CDYL: variants seen among roughly 807,000 people sequenced by gnomAD.
CDYL encodes chromodomain Y like, also known as chromodomain Y-like protein.
CDYL carries 8 observed loss-of-function variants against 47.3 expected under a neutral mutation model. That is an observed-to-expected ratio of 0.17 (90% CI 0.10 to 0.31). The LOEUF (loss-of-function observed/expected upper bound fraction) is 0.31, where lower values mean the gene tolerates loss of function less well. Among genes scored for constraint, CDYL ranks in the 10% least tolerant of loss-of-function variants. The probability of loss-of-function intolerance (pLI) is 1.00; values close to 1 mark genes in which losing one functional copy is unlikely to be tolerated. For synonymous variants in CDYL, 266 were observed against 265.0 expected (o/e 1.00, Z -0.04); for missense variants, 471 against 701.4 (o/e 0.67, Z 3.71).
At chr6:4,711,938 A>G (rs1047711766) in intron 1 of CDYL, among the ~76,000 whole-genome samples, 3 of 152,102 alleles carry the variant, frequency 2.0e-5, no homozygotes, top group Non-Finnish European at 4.4e-5. Context: ...GGTGGTATGC[A>G]CCTGTAGATC....
chr6:4,779,373 G>C (rs1023744702), intron 1 of CDYL, among the ~76,000 whole-genome samples: 6 of 151,950 alleles, frequency 3.9e-5, no homozygotes, highest in Non-Finnish European at 8.8e-5. Flanking sequence ...AACTCACATG[G>C]TCTGGTAGGA....
intron 3 of CDYL, among the ~76,000 whole-genome samples, chr6:4,749,020 C>T (rs542178079): frequency 1.1e-4 from 16 of 152,322 alleles, no homozygotes; most frequent in African/African-American, 2.6e-4. Flanking sequence ...ACTGTTAGAT[C>T]GCCTTGGAGC....
At chr6:4,928,680 A>C (rs1757949472) in intron 2 of CDYL, 1 of 152,058 alleles carries the variant, frequency 6.6e-6, no homozygotes, top group Admixed American at 6.6e-5. Flanking sequence ...GCTATTTGTT[A>C]CTACACAGCT....
chr6:4,920,625 TATTG>T (rs1393701214), intron 2 of CDYL, among the ~76,000 whole-genome samples: 1 of 152,122 alleles, frequency 6.6e-6, no homozygotes, highest in African/African-American at 2.4e-5. Flanking sequence ...CGTTCAGTTT[TATTG>T]ATTGATTGAG....
chr6:4,926,163 A>G (rs1757867760), intron 2 of CDYL, among the ~76,000 whole-genome samples: 1 of 152,226 alleles, frequency 6.6e-6, no homozygotes, highest in Non-Finnish European at 1.5e-5. Context: ...GGATTTATTT[A>G]ACACATTATG....
At chr6:4,805,928 C>G (rs1005629127) in intron 1 of CDYL, among the ~76,000 whole-genome samples, 1 of 152,224 alleles carries the variant, frequency 6.6e-6, no homozygotes, top group African/African-American at 2.4e-5. Flanking sequence ...CTTCAGCAGT[C>G]AAGTGGACAT....
In CDYL at chr6:4,729,233, A is replaced by G. The variant is rs965359550; in HGVS notation, c.104-5529A>G. On this transcript the variant is annotated intron_variant, in intron 2 of 8. Coordinates refer to the CDYL transcript ENST00000328908. The stretch of plus-strand genomic sequence containing the variant: ...TTCCACCCCTGAAATTCCCCCAAAC[A>G]GACTATCCCTTGTGCTGGCATCCGG... Among the ~76,000 whole-genome samples the G allele has an allele frequency of 5.9e-5, 9 of 152,216 alleles. No individual in the cohort carries two copies. In the South Asian group the frequency reaches 1.5e-3, roughly 25 times the overall value.
intron 2 of CDYL, among the ~76,000 whole-genome samples, chr6:4,926,970 T>TGTAAATG: frequency 6.6e-6 from 1 of 152,190 alleles, no homozygotes; most frequent in African/African-American, 2.4e-5. Flanking sequence ...TAAGGTGTGA[T>TGTAAATG]GCAAATGGCA....
intron 3 of CDYL, among the ~76,000 whole-genome samples, chr6:4,749,337 A>ATGGATGGATGGATGGC (rs1757950619): frequency 7.8e-6 from 1 of 128,238 alleles, no homozygotes; most frequent in African/African-American, 2.5e-5. Flanking sequence ...GGATGGATGG[A>ATGGATGGATGGATGGC]TGGCTGGATA....
chr6:4,756,935 G>A (rs1477350025), intron 3 of CDYL, among the ~76,000 whole-genome samples: 2 of 152,060 alleles, frequency 1.3e-5, no homozygotes, highest in African/African-American at 4.8e-5. Context: ...GAGAATTTAG[G>A]CCAATCCCTG....
At chr6:4,826,863 T>G (rs376473183) in intron 1 of CDYL, among the ~76,000 whole-genome samples, 228 of 152,330 alleles carry the variant, frequency 1.5e-3, no homozygotes, top group African/African-American at 5.2e-3. Flanking sequence ...CAAGTCCTGT[T>G]TTGATCTTCT....
At chr6:4,876,655 C>T (rs1761628954) in intron 1 of CDYL, among the ~76,000 whole-genome samples, 1 of 151,678 alleles carries the variant, frequency 6.6e-6, no homozygotes, top group Admixed American at 6.5e-5. Flanking sequence ...CATTCATATA[C>T]TTTAGGGAGT....
chr6:4,886,705 T>G (rs1287772684), intron 1 of CDYL, among the ~76,000 whole-genome samples: 1 of 152,242 alleles, frequency 6.6e-6, no homozygotes, highest in African/African-American at 2.4e-5. Context: ...AAGTTTTTAA[T>G]TTTGATATCT....
At chr6:4,946,022 G>A (rs1236544221) in intron 5 of CDYL, among the ~76,000 whole-genome samples, 5 of 152,210 alleles carry the variant, frequency 3.3e-5, no homozygotes, top group African/African-American at 7.2e-5. Context: ...GCCCACAGGC[G>A]GGCCTCCCTG....
At position 4,892,280 on chromosome 6, in the gene CDYL, G is replaced by A; in HGVS notation, c.592G>A (p.Ala198Thr). ...GALLGPGAER[A>T]RMGSRPRIHP... ...TTTATTGGGCCCCGGTGCCGAGAGGGCCAGGATGGGGAGCAGGCCCAGGAT... is the reference window on the plus strand; with the variant it reads ...TTTATTGGGCCCCGGTGCCGAGAGGACCAGGATGGGGAGCAGGCCCAGGAT... Residue 198 changes from alanine to threonine, a missense_variant, in exon 2 of 7, where the codon GCC becomes ACC. Physicochemically the swap from Ala to Thr is moderately conservative, Grantham distance 58. Transcript: ENST00000397588. The A allele has an allele frequency of 6.2e-7, 1 of 1,614,202 alleles. No homozygotes were observed. The highest frequency in any genetic ancestry group is 2.2e-5 in the East Asian group (1 of 44,884).
In CDYL at chr6:4,749,341, C is replaced by A. The variant is rs6910258; in HGVS notation, c.186+14497C>A. Among the ~76,000 whole-genome samples, 35 of 64,616 alleles carry A rather than the reference C, an allele frequency of 5.4e-4. No individual in the cohort carries two copies. The East Asian group carries it at 6.6e-3, about 12-fold the overall frequency. The allele number at this position is 64,616 out of a possible 152,430, so 42.4% of individuals were successfully genotyped here. A position where few individuals can be genotyped will look rare whatever the true frequency, so the allele number is the denominator to read the frequency against. On this transcript the variant is annotated intron_variant, in intron 3 of 8. Coordinates refer to the CDYL transcript ENST00000328908. ...GATGGATGGATGGATGGATGGATGGCTGGATATGAGATAGATGGATGGATG... is the reference window on the plus strand; with the variant it reads ...GATGGATGGATGGATGGATGGATGGATGGATATGAGATAGATGGATGGATG...
chr6:4,748,673 A>G (rs995183806), intron 3 of CDYL, among the ~76,000 whole-genome samples: 3 of 151,892 alleles, frequency 2.0e-5, no homozygotes, highest in African/African-American at 7.3e-5. Flanking sequence ...ACACACACAC[A>G]CACACACAAA....
At chr6:4,775,769 G>C (rs1031694186), upstream of CDYL, among the ~76,000 whole-genome samples, 2 of 148,788 alleles carry the variant, frequency 1.3e-5, no homozygotes, top group African/African-American at 2.4e-5. The surrounding 1 kb of genome is among the most constrained non-coding windows in gnomAD (Gnocchi z 7.0). Context: ...GCGGCCGGTG[G>C]GGCGGGCATG....
chr6:4,747,116 G>C (rs962898198), intron 3 of CDYL, among the ~76,000 whole-genome samples: 4 of 152,090 alleles, frequency 2.6e-5, no homozygotes, highest in Non-Finnish European at 5.9e-5. Flanking sequence ...AGACCAGCCT[G>C]GCCAACATGG....
Sources: gnomAD v4.1 joint callset for allele counts (sites outside exome capture counted in the v4.1 genomes callset) on GRCh38, gnomAD v4.1.1 for gene constraint, Gnocchi (gnomAD v3.1) non-coding constraint, MANE v1.5 for transcripts, NCBI Gene and HGNC (gene_info 2026-07-23, HGNC 2026-07-21) for gene names.